Variants in FOXL2 observed in about 807,000 individuals in gnomAD.
The protein encoded by FOXL2 is forkhead box L2.
In FOXL2, 3 loss-of-function variants were observed where a neutral mutation model predicts 2.5. That is an observed-to-expected ratio of 1.20 (90% CI 0.55 to 3.11). The LOEUF (loss-of-function observed/expected upper bound fraction) is 3.11. FOXL2 is among the 30% of genes most tolerant of loss of function. The probability of loss-of-function intolerance (pLI) is 0.03; values close to 1 mark genes in which losing one functional copy is unlikely to be tolerated. For missense variants in FOXL2, 512 were observed against 570.0 expected, an observed-to-expected ratio of 0.90 and a Z score of 1.04; for synonymous variants, 315 against 269.4, an observed-to-expected ratio of 1.17 and a Z score of -1.66.
Position 138,944,597 on chromosome 3 carries a change from G to C in FOXL2, c.*995C>G, listed in dbSNP as rs148908196. ...TTTGATTTTTTTCTTCAGATAGGGA[G>C]AGGGTGAAACTTCCCCAATTGGTAG... On this transcript the variant is annotated 3_prime_UTR_variant, in exon 1 of 1. Coordinates refer to ENST00000648323, the MANE Select transcript of FOXL2 (RefSeq NM_023067.4). 8.6e-5 allele frequency: 20 copies of C among 233,214 alleles called. No individual in the cohort carries two copies. In the East Asian group the frequency reaches 1.2e-3, roughly 14 times the overall value. The allele number at this position is 233,214 out of a possible 1,614,324, so 14.4% of individuals were successfully genotyped here.
At position 138,946,520 on chromosome 3, in the gene FOXL2, C is replaced by T; in HGVS notation, c.203G>A (p.Arg68His). The change falls in exon 1 of 1, where the codon CGC becomes CAC. Residue 68 changes from arginine (R) to histidine (H), a missense_variant. By Grantham distance (29) the Arg-to-His change is conservative. Coordinates refer to ENST00000648323, the MANE Select transcript of FOXL2 (RefSeq NM_023067.4). ...SYVALIAMAIRESAEKRLTLS... is the reference protein window; with the variant it reads ...SYVALIAMAIHESAEKRLTLS... ...CGTGAGCCTCTTCTCCGCGCTCTCGCGGATCGCCATGGCGATGAGCGCCAC... is the reference window on the plus strand; with the variant it reads ...CGTGAGCCTCTTCTCCGCGCTCTCGTGGATCGCCATGGCGATGAGCGCCAC... The T allele has an allele frequency of 6.2e-7, 1 of 1,613,738 alleles. No individual in the cohort carries two copies. The highest frequency in any genetic ancestry group is 8.5e-7 in the Non-Finnish European group (1 of 1,180,008).
chr3:138,945,520 C>T lies in FOXL2; in HGVS notation c.*72G>A, dbSNP rs982561449. 3.2e-6 allele frequency: 5 copies of T among 1,556,896 alleles called. No individual in the cohort carries two copies. In the African/African-American group the frequency reaches 4.1e-5, roughly 13 times the overall value. ...GAGGTCAGGCTGGCGGCGGCGTCGT[C>T]GGCTGCGACCGGGGCCGGCGTCGCG... On this transcript the variant is annotated 3_prime_UTR_variant, in exon 1 of 1. Coordinates refer to ENST00000648323, the MANE Select transcript of FOXL2 (RefSeq NM_023067.4).
chr3:138,946,512 C>G lies in FOXL2; in HGVS notation c.211G>C (p.Ala71Pro), dbSNP rs757571219. 98 of 1,613,778 alleles carry G rather than the reference C, an allele frequency of 6.1e-5. 1 individual carries two copies. Among genetic ancestry groups the G allele is most frequent in the Non-Finnish European group, 8.1e-5 (96 of 1,180,014 alleles). ...ALIAMAIRES[A>P]EKRLTLSGIY... Reference sequence around the variant, plus strand: ...CCGGACAGCGTGAGCCTCTTCTCCGCGCTCTCGCGGATCGCCATGGCGATG... The same window carrying G: ...CCGGACAGCGTGAGCCTCTTCTCCGGGCTCTCGCGGATCGCCATGGCGATG... The change falls in exon 1 of 1, where the codon GCG becomes CCG. Residue 71 changes from alanine (A) to proline (P), a missense_variant. Transcript: ENST00000648323.
Position 138,945,235 on chromosome 3 carries a change from G to GAGATTGGACGTGTAGAT in FOXL2, c.*356_*357insATCTACACGTCCAATCT. 3.9e-6 allele frequency: 1 copy of GAGATTGGACGTGTAGAT among 253,838 alleles called. No homozygotes were observed. Among genetic ancestry groups the GAGATTGGACGTGTAGAT allele is most frequent in the South Asian group, 1.3e-4 (1 of 7,460 alleles). The allele number at this position is 253,838 out of a possible 1,614,324, so 15.7% of individuals were successfully genotyped here. A position where few individuals can be genotyped will look rare whatever the true frequency, so the allele number is the denominator to read the frequency against. ...AGGCCAAGAGGTCTGCGCTGCCGAC[G>GAGATTGGACGTGTAGAT]CCCGGTCGCACCTCCGCCCCGGGCC... is the stretch of plus-strand genomic sequence containing the variant. On this transcript the variant is annotated 3_prime_UTR_variant, in exon 1 of 1. Transcript: ENST00000648323.
Position 138,945,235 on chromosome 3 carries a change from G to GATTAGTTGGGTGTAGAT in FOXL2, c.*356_*357insATCTACACCCAACTAAT. On this transcript the variant is annotated 3_prime_UTR_variant, in exon 1 of 1. Coordinates refer to ENST00000648323, the MANE Select transcript of FOXL2 (RefSeq NM_023067.4). ...AGGCCAAGAGGTCTGCGCTGCCGAC[G>GATTAGTTGGGTGTAGAT]CCCGGTCGCACCTCCGCCCCGGGCC... 1 of 253,838 alleles carries GATTAGTTGGGTGTAGAT rather than the reference G, an allele frequency of 3.9e-6. No homozygotes were observed. Among genetic ancestry groups the GATTAGTTGGGTGTAGAT allele is most frequent in the Admixed American group, 5.0e-5 (1 of 20,066 alleles). The allele number at this position is 253,838 out of a possible 1,614,324, so 15.7% of individuals were successfully genotyped here. A position where few individuals can be genotyped will look rare whatever the true frequency, so the allele number is the denominator to read the frequency against.
rs746906405 is a variant in FOXL2 at position 138,946,764 on chromosome 3, G to A, written c.-42C>T. 1.3e-6 allele frequency: 2 copies of A among 1,545,466 alleles called. No homozygotes were observed. Among genetic ancestry groups the A allele is most frequent in the Non-Finnish European group, 1.7e-6 (2 of 1,145,556 alleles). Reference sequence around the variant, plus strand: ...CGCGGCCGGGCCGCCTCTGCTCTCCGCTCCAGGCGCTGGCGCGGCAAAGAG... The same window carrying A: ...CGCGGCCGGGCCGCCTCTGCTCTCCACTCCAGGCGCTGGCGCGGCAAAGAG... On this transcript the variant is annotated 5_prime_UTR_variant, in exon 1 of 1. Transcript: ENST00000648323.
Position 138,946,576 on chromosome 3 carries a change from C to T in FOXL2, c.147G>A (p.Pro49=), listed in dbSNP as rs1935978369. Residue 49 remains proline, a synonymous_variant, in exon 1 of 1, where the codon CCG becomes CCA. Transcript: ENST00000648323. ...GGGGGTAPEK[P]DPAQKPPYSY... Reference sequence around the variant, plus strand: ...AGTACGGGGGCTTCTGCGCCGGGTCCGGCTTCTCCGGGGCTGTCCCGCCGC... The same window carrying T: ...AGTACGGGGGCTTCTGCGCCGGGTCTGGCTTCTCCGGGGCTGTCCCGCCGC... 3 of 1,609,204 alleles carry T rather than the reference C, an allele frequency of 1.9e-6. No homozygotes were observed. The highest frequency in any genetic ancestry group is 1.1e-5 in the South Asian group (1 of 91,064).
Position 138,947,005 on chromosome 3 carries a change from TC to T in FOXL2, c.-284del. ...CGCCGCCCCTCCCCGCTCAGGCCAG[TC>T]CCCGCCTTGGTGGGTTTTCTTTTCT... On this transcript the variant is annotated 5_prime_UTR_variant, in exon 1 of 1. Coordinates refer to ENST00000648323, the MANE Select transcript of FOXL2 (RefSeq NM_023067.4). This position sits in a 1 kb window ranked among gnomAD's most constrained non-coding sequence, Gnocchi z 5.2. 1.8e-6 allele frequency: 1 copy of T among 546,160 alleles called. No individual in the cohort carries two copies. 33.8% of individuals were successfully genotyped at this position (546,160 alleles called of 1,614,324 possible).
At position 138,947,055 on chromosome 3, in the gene FOXL2, C is replaced by G. The variant is rs1576470689; in HGVS notation, c.-333G>C. On this transcript the variant is annotated 5_prime_UTR_variant, in exon 1 of 1. Transcript: ENST00000648323. The surrounding 1 kb of genome is among the most constrained non-coding windows in gnomAD (Gnocchi z 5.2). ...CTGCGCTCTTCCCCTCCCCCCGCCCCCCGGTTTCCCGAAGCACGACCCGCG... is the reference window on the plus strand; with the variant it reads ...CTGCGCTCTTCCCCTCCCCCCGCCCGCCGGTTTCCCGAAGCACGACCCGCG... 19 of 320,652 alleles carry G rather than the reference C, an allele frequency of 5.9e-5. No individual in the cohort carries two copies. In the East Asian group the frequency reaches 1.4e-3, roughly 24 times the overall value. 19.9% of individuals were successfully genotyped at this position (320,652 alleles called of 1,614,324 possible). A position where few individuals can be genotyped will look rare whatever the true frequency, so the allele number is the denominator to read the frequency against.
rs1380242545 is a variant in FOXL2, at chr3:138,945,718, G to C, written c.1005C>G (p.Pro335=). The part of the protein sequence containing the change: ...ASPATAAPPA[P]APTSAPGLQF... ...GCAGGCCCGGCGCACTGGTGGGCGC[G>C]GGCGCCGGGGGCGCGGCGGTGGCTG... Residue 335 remains proline (P), a synonymous_variant, in exon 1 of 1, where the codon CCC becomes CCG. Transcript: ENST00000648323. 6.2e-6 allele frequency: 9 copies of C among 1,458,344 alleles called. No individual in the cohort carries two copies. The African/African-American group carries it at 1.2e-4, about 19-fold the overall frequency. 90.3% of individuals were successfully genotyped at this position (1,458,344 alleles called of 1,614,324 possible).
rs766877029 is a variant in FOXL2 at position 138,946,725 on chromosome 3, C to G, written c.-3G>C. 1.2e-5 allele frequency: 19 copies of G among 1,568,638 alleles called. No individual in the cohort carries two copies. The highest frequency in any genetic ancestry group is 9.5e-6 in the Non-Finnish European group (11 of 1,157,576). ...GGCTCGGGGTAGCTGGCCATCATGA[C>G]AAAGCCGGCGCGCCGCGGCCGGGCC... On this transcript the variant is annotated 5_prime_UTR_variant, in exon 1 of 1. Transcript: ENST00000648323.
Position 138,945,235 on chromosome 3 carries a change from G to GAGAAGTGGAGTGTAGAT in FOXL2, c.*356_*357insATCTACACTCCACTTCT. On this transcript the variant is annotated 3_prime_UTR_variant, in exon 1 of 1. Transcript: ENST00000648323. ...AGGCCAAGAGGTCTGCGCTGCCGACGCCCGGTCGCACCTCCGCCCCGGGCC... is the reference window on the plus strand; with the variant it reads ...AGGCCAAGAGGTCTGCGCTGCCGACGAGAAGTGGAGTGTAGATCCCGGTCGCACCTCCGCCCCGGGCC... 1.2e-5 allele frequency: 3 copies of GAGAAGTGGAGTGTAGAT among 253,838 alleles called. No homozygotes were observed. Among genetic ancestry groups the GAGAAGTGGAGTGTAGAT allele is most frequent in the South Asian group, 1.3e-4 (1 of 7,460 alleles). 15.7% of individuals were successfully genotyped at this position (253,838 alleles called of 1,614,324 possible). A position where few individuals can be genotyped will look rare whatever the true frequency, so the allele number is the denominator to read the frequency against.
rs954379701 is a variant in FOXL2, at chr3:138,944,373, G to T, written c.*1219C>A. 8.6e-6 allele frequency: 2 copies of T among 232,970 alleles called. No individual in the cohort carries two copies. The highest frequency in any genetic ancestry group is 2.2e-5 in the African/African-American group (1 of 45,298). 14.4% of individuals were successfully genotyped at this position (232,970 alleles called of 1,614,324 possible). ...CAGTACAACCAGGTCTATGGTTTTC[G>T]GGCCGGGCCGGCTCCGGGCCACAAG... is the stretch of plus-strand genomic sequence containing the variant. On this transcript the variant is annotated 3_prime_UTR_variant, in exon 1 of 1. Transcript: ENST00000648323.
In FOXL2 at chr3:138,944,278, CA is replaced by C. The variant is rs1347393623; in HGVS notation, c.*1313del. On this transcript the variant is annotated 3_prime_UTR_variant, in exon 1 of 1. Transcript: ENST00000648323. ...GAATCGACAAGGCAAAAAACAAAAA[CA>C]AAACAAAAAAACACAACAAAAGTGC... The C allele has an allele frequency of 1.3e-5, 3 of 233,044 alleles. No homozygotes were observed. The highest frequency in any genetic ancestry group is 2.2e-5 in the African/African-American group (1 of 45,288). 14.4% of individuals were successfully genotyped at this position (233,044 alleles called of 1,614,324 possible).
chr3:138,945,860 G>C lies in FOXL2; in HGVS notation c.863C>G (p.Pro288Arg). The change falls in exon 1 of 1, where the codon CCG becomes CGG. Residue 288 changes from proline (P) to arginine (R), a missense_variant. Physicochemically the swap from Pro to Arg is moderately radical, Grantham distance 103. This residue lies in a region of FOXL2 where 287 missense variants were observed against 277.4 expected (regional missense o/e 1.03). Coordinates refer to ENST00000648323, the MANE Select transcript of FOXL2 (RefSeq NM_023067.4). Reference sequence around the variant, plus strand: ...TGCGTGCGGATGCGGGTGGGGGTGCGGCGGAGGCGGGGGTGCGGCCGGCGG... The same window carrying C: ...TGCGTGCGGATGCGGGTGGGGGTGCCGCGGAGGCGGGGGTGCGGCCGGCGG... ...GGPPAAPPPP[P>R]HPHPHPHAHH... The C allele has an allele frequency of 8.1e-7, 1 of 1,241,708 alleles. No homozygotes were observed. The highest frequency in any genetic ancestry group is 1.0e-6 in the Non-Finnish European group (1 of 995,788). 76.9% of individuals were successfully genotyped at this position (1,241,708 alleles called of 1,614,324 possible). A position where few individuals can be genotyped will look rare whatever the true frequency, so the allele number is the denominator to read the frequency against.
Position 138,945,515 on chromosome 3 carries a change from G to T in FOXL2, c.*77C>A. ...GGTGTGAGGTCAGGCTGGCGGCGGC[G>T]TCGTCGGCTGCGACCGGGGCCGGCG... On this transcript the variant is annotated 3_prime_UTR_variant, in exon 1 of 1. Coordinates refer to ENST00000648323, the MANE Select transcript of FOXL2 (RefSeq NM_023067.4). 1 of 1,552,358 alleles carries T rather than the reference G, an allele frequency of 6.4e-7. No homozygotes were observed. The highest frequency in any genetic ancestry group is 8.7e-7 in the Non-Finnish European group (1 of 1,146,020).
In FOXL2 at chr3:138,945,867, G is replaced by A; in HGVS notation, c.856C>T (p.Pro286Ser). The change falls in exon 1 of 1, where the codon CCT becomes TCT. Residue 286 changes from proline to serine, a missense_variant. Pro to Ser is a moderately conservative substitution (Grantham distance 74). Around this residue, in one of 5 missense-constraint regions of FOXL2, gnomAD observed 287 missense variants for 277.4 expected, o/e 1.03. Transcript: ENST00000648323. ...GLGGPPAAPP[P>S]PPHPHPHPHA... ...GGATGCGGGTGGGGGTGCGGCGGAG[G>A]CGGGGGTGCGGCCGGCGGGCCTCCC... is the stretch of plus-strand genomic sequence containing the variant. 1.6e-6 allele frequency: 2 copies of A among 1,245,884 alleles called. No individual in the cohort carries two copies. The highest frequency in any genetic ancestry group is 2.0e-6 in the Non-Finnish European group (2 of 998,590). 77.2% of individuals were successfully genotyped at this position (1,245,884 alleles called of 1,614,324 possible).
Position 138,946,858 on chromosome 3 carries a change from G to C in FOXL2, c.-136C>G. Reference sequence around the variant, plus strand: ...GAGACTGCGGATGCCGCCCGCGCTTGCTTGCTGGAGGCCTGTCGCTGCTCT... The same window carrying C: ...GAGACTGCGGATGCCGCCCGCGCTTCCTTGCTGGAGGCCTGTCGCTGCTCT... On this transcript the variant is annotated 5_prime_UTR_variant, in exon 1 of 1. Coordinates refer to ENST00000648323, the MANE Select transcript of FOXL2 (RefSeq NM_023067.4). 7.7e-7 allele frequency: 1 copy of C among 1,296,922 alleles called. No individual in the cohort carries two copies. Among genetic ancestry groups the C allele is most frequent in the Non-Finnish European group, 1.1e-6 (1 of 949,790 alleles). The allele number at this position is 1,296,922 out of a possible 1,614,324, so 80.3% of individuals were successfully genotyped here. A position where few individuals can be genotyped will look rare whatever the true frequency, so the allele number is the denominator to read the frequency against.
At position 138,945,296 on chromosome 3, in the gene FOXL2, C is replaced by A; in HGVS notation, c.*296G>T. The A allele has an allele frequency of 3.4e-6, 1 of 290,376 alleles. No individual in the cohort carries two copies. The highest frequency in any genetic ancestry group is 2.1e-5 in the African/African-American group (1 of 46,832). 18.0% of individuals were successfully genotyped at this position (290,376 alleles called of 1,614,324 possible). A position where few individuals can be genotyped will look rare whatever the true frequency, so the allele number is the denominator to read the frequency against. ...TGAATTTGGGCAGGAGACGCTGGGG[C>A]TCCGGAAAGAGACGAGCCCAGTAGA... On this transcript the variant is annotated 3_prime_UTR_variant, in exon 1 of 1. Transcript: ENST00000648323.
Sources: allele counts gnomAD v4.1 joint callset, GRCh38; gene constraint gnomAD v4.1.1; regional missense constraint gnomAD v4.1.1; non-coding constraint Gnocchi (gnomAD v3.1); transcripts MANE v1.5; gene names NCBI Gene and HGNC (gene_info 2026-07-23, HGNC 2026-07-21).